Variants in TIAM1 observed in about 807,000 individuals in gnomAD.
The protein encoded by TIAM1 is rho guanine nucleotide exchange factor TIAM1.
A neutral mutation model predicts 163.5 loss-of-function variants in TIAM1; 65 were observed. The observed-to-expected ratio is 0.40, with a 90% confidence interval of 0.33 to 0.49. The LOEUF is 0.49. TIAM1 is among the 20% of genes least tolerant of loss of function. TIAM1 has a pLI of 0.77. For synonymous variants in TIAM1, 833 were observed against 810.1 expected (o/e 1.03, Z -0.48); for missense variants, 1,789 against 2,044.7 (o/e 0.87, Z 2.41).
Position 31,363,412 on chromosome 21 carries a change from G to GT in TIAM1, c.-368-23991dup, listed in dbSNP as rs201120821. 3.3e-3 allele frequency among the ~76,000 whole-genome samples: 502 copies of GT among 150,022 alleles called. 5 individuals carry two copies. Among genetic ancestry groups the GT allele is most frequent in the African/African-American group, 0.011 (451 of 40,854 alleles). ...AACATTCTAACAGGACCGGGATTTT[G>GT]TTTTTTTTTCTGGGTTTTTTAAATG... On this transcript the variant is annotated intron_variant, in intron 2 of 28. Coordinates refer to the TIAM1 transcript ENST00000286827.
At chr21:31,368,525 C>T (rs1488999995) in intron 2 of TIAM1, among the ~76,000 whole-genome samples, 1 of 152,136 alleles carries the variant, frequency 6.6e-6, no homozygotes, top group African/African-American at 2.4e-5. Context: ...TGCCAGGAGT[C>T]TAAAAAGCTA....
chr21:31,207,186 G>A (rs77464020), intron 11 of TIAM1, among the ~76,000 whole-genome samples: 1,966 of 152,272 alleles, frequency 0.013, 39 homozygotes, highest in African/African-American at 0.045. Flanking sequence ...AAAACCTACA[G>A]GGCAACATGG....
intron 16 of TIAM1, among the ~76,000 whole-genome samples, chr21:31,159,113 T>G (rs1372544121): frequency 6.6e-6 from 1 of 152,166 alleles, no homozygotes; most frequent in African/African-American, 2.4e-5. Flanking sequence ...ACTTGAGGAC[T>G]GTAATCAGTC....
In TIAM1 at chr21:31,210,164, C is replaced by T. The variant is rs2086649511; in HGVS notation, c.2269G>A (p.Asp757Asn). The T allele has an allele frequency of 3.1e-6, 5 of 1,614,016 alleles. No individual in the cohort carries two copies. The highest frequency in any genetic ancestry group is 1.7e-5 in the Admixed American group (1 of 59,990). The change falls in exon 11 of 28, where the codon GAC becomes AAC. Residue 757 changes from aspartate (D) to asparagine (N), a missense_variant. This residue lies in a region of TIAM1 where 456 missense variants were observed against 586.6 expected (regional missense o/e 0.78). Coordinates refer to ENST00000541036, the MANE Select transcript of TIAM1 (RefSeq NM_001353694.2). ...PNVHQHNPDC[D>N]IWVHEYFTPS... ...GTGAAATACTCGTGGACCCAAATGTCGCAGTCAGGGTTGTGCTGGTGAACG... is the reference window on the plus strand; with the variant it reads ...GTGAAATACTCGTGGACCCAAATGTTGCAGTCAGGGTTGTGCTGGTGAACG...
chr21:31,455,738 C>G (rs532320866), intron 2 of TIAM1, among the ~76,000 whole-genome samples: 2 of 152,284 alleles, frequency 1.3e-5, no homozygotes, highest in South Asian at 4.1e-4. Context: ...AAATGCAGAA[C>G]CAGATTCTAA....
At chr21:31,548,441 A>AAGCTGAACATTAT (rs2048572544) in intron 1 of TIAM1, among the ~76,000 whole-genome samples, 2 of 149,694 alleles carry the variant, frequency 1.3e-5, no homozygotes. Context: ...GTGCCAGGCC[A>AAGCTGAACATTAT]TCTGTGTCTT....
Position 31,315,300 on chromosome 21 carries a change from G to A in TIAM1, c.-189+23943C>T, listed in dbSNP as rs1569207613. Among the ~76,000 whole-genome samples, 10 of 152,132 alleles carry A rather than the reference G, an allele frequency of 6.6e-5. No homozygotes were observed. The South Asian group carries it at 2.1e-3, about 32-fold the overall frequency. On this transcript the variant is annotated intron_variant, in intron 2 of 27. Transcript: ENST00000541036. ...GAGGCCGAAGCGGGCAGATCACGAG[G>A]TCAGGAGATCGAGACCATCCTGGCT... is the stretch of plus-strand genomic sequence containing the variant.
chr21:31,274,087 C>A (rs1396323877), intron 3 of TIAM1, among the ~76,000 whole-genome samples: 1 of 152,116 alleles, frequency 6.6e-6, no homozygotes, highest in East Asian at 1.9e-4. Flanking sequence ...ATGGTACACA[C>A]CTGTAATCCC....
intron 1 of TIAM1, among the ~76,000 whole-genome samples, chr21:31,537,198 A>G (rs143760077): frequency 5.3e-5 from 8 of 152,228 alleles, no homozygotes; most frequent in African/African-American, 1.9e-4. Context: ...AACTGCAAAG[A>G]CCCTATGTCC....
rs538707432 is a variant in TIAM1, at chr21:31,427,010, T to C, written c.-369+36973A>G. ...ATCATATCTCATTGCAGCCTCCAAC[T>C]CCTGGGCTCAAGCAATCCTCCCACC... On this transcript the variant is annotated intron_variant, in intron 2 of 28. Coordinates refer to the TIAM1 transcript ENST00000286827. 2.6e-5 allele frequency among the ~76,000 whole-genome samples: 4 copies of C among 152,264 alleles called. No individual in the cohort carries two copies. The South Asian group carries it at 8.3e-4, about 32-fold the overall frequency.
intron 2 of TIAM1, among the ~76,000 whole-genome samples, chr21:31,403,453 A>C (rs747893480): frequency 6.6e-6 from 1 of 152,180 alleles, no homozygotes; most frequent in Non-Finnish European, 1.5e-5. Flanking sequence ...GGCCGATGAC[A>C]TACTTTTTTA....
chr21:31,223,304 C>T lies in TIAM1; in HGVS notation c.1995+102G>A, dbSNP rs1230062945. The T allele has an allele frequency of 7.6e-6, 10 of 1,310,550 alleles. No individual in the cohort carries two copies. In the South Asian group the frequency reaches 1.1e-4, roughly 14 times the overall value. 81.2% of individuals were successfully genotyped at this position (1,310,550 alleles called of 1,614,324 possible). ...GGAGGGCATTTCAGAAATCCATACA[C>T]AGCAGGAAGCTCGAAAAACACTTAG... On this transcript the variant is annotated intron_variant, in intron 8 of 27. Coordinates refer to ENST00000541036, the MANE Select transcript of TIAM1 (RefSeq NM_001353694.2).
chr21:31,172,544 G>A (rs1324170502), intron 15 of TIAM1, among the ~76,000 whole-genome samples: 2 of 152,160 alleles, frequency 1.3e-5, no homozygotes, highest in African/African-American at 4.8e-5. Flanking sequence ...GGCTGGAGAA[G>A]CAGGATGCCC....
At chr21:31,233,688 A>T (rs1304406541) in intron 6 of TIAM1, among the ~76,000 whole-genome samples, 2 of 152,208 alleles carry the variant, frequency 1.3e-5, no homozygotes, top group African/African-American at 4.8e-5. Flanking sequence ...CTGGGCAACA[A>T]GAGCGAGACT....
Position 31,225,949 on chromosome 21 carries a change from G to A in TIAM1, c.1586C>T (p.Thr529Ile). 6.2e-7 allele frequency: 1 copy of A among 1,614,008 alleles called. No individual in the cohort carries two copies. The highest frequency in any genetic ancestry group is 2.2e-5 in the East Asian group (1 of 44,872). Residue 529 changes from threonine (T) to isoleucine (I), a missense_variant and splice_region_variant, in exon 7 of 28, where the codon ACC becomes ATC. Coordinates refer to ENST00000541036, the MANE Select transcript of TIAM1 (RefSeq NM_001353694.2). The part of the protein sequence containing the change: ...NSLGDAFLFQ[T>I]TSQTELENWI... ...GTTTTCAAGCTCCGTCTGGCTAGTG[G>A]TCTGTACCAGGAAGAAGGGGCAGGA... is the stretch of plus-strand genomic sequence containing the variant.
rs1005926355 is a variant in TIAM1, at chr21:31,463,806, C to T, written c.-369+177G>A. Among the ~76,000 whole-genome samples, 10 of 123,230 alleles carry T rather than the reference C, an allele frequency of 8.1e-5. 1 individual carries two copies. The highest frequency in any genetic ancestry group is 5.2e-4 in the Admixed American group (6 of 11,552). 80.8% of individuals were successfully genotyped at this position (123,230 alleles called of 152,430 possible). A position where few individuals can be genotyped will look rare whatever the true frequency, so the allele number is the denominator to read the frequency against. Reference sequence around the variant, plus strand: ...GCACTCCAGCAACAGACTAAGGCTCCGTCTCCAAAAAAAAAAAAAAGAATA... The same window carrying T: ...GCACTCCAGCAACAGACTAAGGCTCTGTCTCCAAAAAAAAAAAAAAGAATA... On this transcript the variant is annotated intron_variant, in intron 2 of 28. Coordinates refer to the TIAM1 transcript ENST00000286827.
chr21:31,534,820 T>C (rs1362628430), intron 1 of TIAM1, among the ~76,000 whole-genome samples: 1 of 152,212 alleles, frequency 6.6e-6, no homozygotes, highest in Non-Finnish European at 1.5e-5. Context: ...AGTATCTTTG[T>C]TGTCATAAAA....
rs547395325 is a variant in TIAM1 at position 31,238,462 on chromosome 21, A to G, written c.1584+7026T>C. Among the ~76,000 whole-genome samples, 11 of 152,334 alleles carry G rather than the reference A, an allele frequency of 7.2e-5. No homozygotes were observed. In the East Asian group the frequency reaches 1.9e-3, roughly 27 times the overall value. The stretch of plus-strand genomic sequence containing the variant: ...TGTCACATATAAAAAAGTTTACCTC[A>G]TGTGATCTATTGGGTATTTACATTC... On this transcript the variant is annotated intron_variant, in intron 6 of 27. Transcript: ENST00000541036.
intron 27 of TIAM1, among the ~76,000 whole-genome samples, chr21:31,123,144 A>G (rs2082062849): frequency 6.6e-6 from 1 of 152,246 alleles, no homozygotes; most frequent in Non-Finnish European, 1.5e-5. Flanking sequence ...AATGGATCTC[A>G]GCAGGAAAAC....
Sources: allele counts gnomAD v4.1 joint callset (sites outside exome capture counted in the v4.1 genomes callset), GRCh38; gene constraint gnomAD v4.1.1; regional missense constraint gnomAD v4.1.1; transcripts MANE v1.5; gene names NCBI Gene and HGNC (gene_info 2026-07-23, HGNC 2026-07-21).